CCNG1: variants seen among roughly 807,000 people sequenced by gnomAD.
The protein encoded by CCNG1 is cyclin G1.
Under a neutral mutation model 30.0 loss-of-function variants are expected in CCNG1, and 13 were observed. The ratio of observed to expected loss-of-function variants is 0.43; its 90% CI spans 0.28 to 0.69. The LOEUF (loss-of-function observed/expected upper bound fraction) is 0.69. Ranked by LOEUF, CCNG1 falls within the 30% of genes least tolerant of loss-of-function variation. The pLI is 0.16. For synonymous variants in CCNG1, 110 were observed against 121.5 expected (o/e 0.91, Z 0.62); for missense variants, 285 against 331.4 (o/e 0.86, Z 1.09).
chr5:163,446,558 C>T (rs1758041683), downstream of CCNG1: 2 of 152,176 alleles, frequency 1.3e-5, no homozygotes, highest in African/African-American at 2.4e-5. Flanking sequence ...AAACTATATG[C>T]TGGCCACATT....
the CCNG1 span, chr5:163,452,036 A>G: frequency 6.6e-6 from 1 of 152,138 alleles, no homozygotes; most frequent in East Asian, 1.9e-4. Flanking sequence ...CTGGGCAACA[A>G]GAGTGAAACT....
At chr5:163,442,291 T>G in intron 5 of CCNG1, 83 bp from the exon 6 acceptor site, 4 of 1,200,016 alleles carry the variant, frequency 3.3e-6, no homozygotes, top group Non-Finnish European at 4.7e-6. Flanking sequence ...AGACACATGT[T>G]CATAGGATTG....
At chr5:163,442,590 T>A (rs373723183) in intron 6 of CCNG1, 22 bp downstream of exon 6, 7 of 1,548,882 alleles carry the variant, frequency 4.5e-6, no homozygotes, top group Non-Finnish European at 5.3e-6. Context: ...CCGTTATTAT[T>A]CTCCAGATAG....
At position 163,442,420 on chromosome 5, in the gene CCNG1, G is replaced by A. The variant is rs200976967; in HGVS notation, c.743G>A (p.Cys248Tyr). Reference protein sequence around the residue: ...LTFWQELVSKCLTEYSSNKCS... With the variant: ...LTFWQELVSKYLTEYSSNKCS... ...TTCTGGCAAGAGCTTGTATCCAAAT[G>A]TTTAACTGAATATTCATCAAATAAG... The change falls in exon 6 of 7, where the codon TGT becomes TAT. Residue 248 changes from cysteine to tyrosine, a missense_variant. Cys to Tyr is a radical substitution (Grantham distance 194). Coordinates refer to ENST00000340828, the MANE Select transcript of CCNG1 (RefSeq NM_004060.4). 108 of 1,613,924 alleles carry A rather than the reference G, an allele frequency of 6.7e-5. No homozygotes were observed. The Admixed American group carries it at 1.3e-3, about 20-fold the overall frequency.
At chr5:163,452,686 A>G in the CCNG1 span, 1 of 150,642 alleles carries the variant, frequency 6.6e-6, no homozygotes, top group African/African-American at 2.4e-5. Flanking sequence ...ACCATCAGAA[A>G]TGAGACAAAC....
intron 2 of CCNG1, among the ~76,000 whole-genome samples, chr5:163,440,359 G>T (rs950113614): frequency 6.6e-6 from 1 of 152,138 alleles, no homozygotes; most frequent in Non-Finnish European, 1.5e-5. Flanking sequence ...TCTTATGTGA[G>T]AATAAGATCG....
downstream of CCNG1, chr5:163,450,461 T>C (rs1227295733): frequency 6.6e-6 from 1 of 152,098 alleles, no homozygotes; most frequent in South Asian, 2.1e-4. Context: ...GTACCCAGAA[T>C]ATATAAAGAC....
At chr5:163,454,853 AAAC>A in the CCNG1 span, among the ~76,000 whole-genome samples, 5,183 of 152,268 alleles carry the variant, frequency 0.034, 262 homozygotes, top group African/African-American at 0.12. Context: ...GAGTGAAAAA[AAAC>A]AAAAATCCCT....
Position 163,442,029 on chromosome 5 carries a change from A to C in CCNG1, c.598-16A>C, listed in dbSNP as rs1317650882. On this transcript the variant is annotated splice_polypyrimidine_tract_variant and intron_variant, in intron 4 of 6. Coordinates refer to ENST00000340828, the MANE Select transcript of CCNG1 (RefSeq NM_004060.4). ...GTTTTTATATTTGGCATTTACTTTA[A>C]ATTTATCTCTTTTAGCCTTCTGTGT... The C allele has an allele frequency of 5.6e-6, 9 of 1,603,082 alleles. No individual in the cohort carries two copies. In the South Asian group the frequency reaches 8.8e-5, roughly 16 times the overall value.
At chr5:163,446,404 G>C (rs1758038391), downstream of CCNG1, 1 of 152,130 alleles carries the variant, frequency 6.6e-6, no homozygotes, top group Admixed American at 6.5e-5. Context: ...ATTTGCCCCT[G>C]GTCTATACCT....
downstream of CCNG1, chr5:163,448,313 G>A (rs1758093704): frequency 6.6e-6 from 1 of 151,502 alleles, no homozygotes; most frequent in Non-Finnish European, 1.5e-5. Context: ...TGGCAAAATT[G>A]ACAAAAAAAG....
chr5:163,449,454 T>C (rs1453767183), downstream of CCNG1: 1 of 152,194 alleles, frequency 6.6e-6, no homozygotes, highest in Non-Finnish European at 1.5e-5. Context: ...CATAAAATGC[T>C]GATAACTGAA....
intron 3 of CCNG1, chr5:163,441,537 C>T (rs1757817482): frequency 1.8e-6 from 1 of 547,920 alleles, no homozygotes; most frequent in Admixed American, 3.6e-5. Flanking sequence ...GATTAAAGTA[C>T]ATTTTGACTT....
At chr5:163,439,668 C>T in intron 2 of CCNG1, 148 bp downstream of exon 2, 2 of 635,892 alleles carry the variant, frequency 3.1e-6, no homozygotes, top group South Asian at 4.0e-5. Flanking sequence ...ATTAATATTT[C>T]TTATCATAAT....
In CCNG1 at chr5:163,441,911, C is replaced by CT; in HGVS notation, c.545dup (p.Glu183ArgfsTer15). 1 of 1,607,794 alleles carries CT rather than the reference C, an allele frequency of 6.2e-7. No homozygotes were observed. The highest frequency in any genetic ancestry group is 8.5e-7 in the Non-Finnish European group (1 of 1,174,696). ...GAGAAATAGCATTAATTTTGAAAGA[C>CT]TAGAAGCTCAACTGAAGGCATGTCA... On this transcript the variant is annotated frameshift_variant, in exon 4 of 7. Coordinates refer to ENST00000340828, the MANE Select transcript of CCNG1 (RefSeq NM_004060.4). LOFTEE classifies it high-confidence loss of function.
downstream of CCNG1, chr5:163,450,960 T>C (rs1758162194): frequency 6.6e-6 from 1 of 152,192 alleles, no homozygotes; most frequent in African/African-American, 2.4e-5. Context: ...TTTTCAGACA[T>C]ACTAATGAAT....
the CCNG1 span, chr5:163,454,009 G>A: frequency 6.4e-7 from 1 of 1,561,704 alleles, no homozygotes; most frequent in Non-Finnish European, 8.7e-7. Context: ...CTTTAGTGTA[G>A]TTTCCTGAGA....
At position 163,439,239 on chromosome 5, in the gene CCNG1, CT is replaced by C. The variant is rs763783986; in HGVS notation, c.1-11del. The C allele has an allele frequency of 3.1e-6, 5 of 1,605,970 alleles. No individual in the cohort carries two copies. In the African/African-American group the frequency reaches 5.4e-5, roughly 17 times the overall value. ...GACTACTCTTACACTCCTTGCTGGT[CT>C]TTTTTTCTATATATAGATGATAGAG... On this transcript the variant is annotated splice_polypyrimidine_tract_variant and intron_variant, in intron 1 of 6. Transcript: ENST00000340828.
At chr5:163,451,547 A>G in the CCNG1 span, 2 of 152,206 alleles carry the variant, frequency 1.3e-5, no homozygotes, top group African/African-American at 4.8e-5. Flanking sequence ...ATTTTGTTAA[A>G]TGTCAAAGAG....
Sources: allele counts gnomAD v4.1 joint callset (sites outside exome capture counted in the v4.1 genomes callset), GRCh38; gene constraint gnomAD v4.1.1; transcripts MANE v1.5; gene names NCBI Gene and HGNC (gene_info 2026-07-23, HGNC 2026-07-21).